The following ATAD3B variants were observed in gnomAD, a reference collection of about 807,000 sequenced individuals.
The protein encoded by ATAD3B is ATPase family AAA domain-containing protein 3B.
A neutral mutation model predicts 70.2 loss-of-function variants in ATAD3B; 59 were observed. That is an observed-to-expected ratio of 0.84 (90% CI 0.68 to 1.04). The LOEUF (loss-of-function observed/expected upper bound fraction) is 1.04. Among genes scored for constraint, ATAD3B ranks in the 50% least tolerant of loss-of-function variants. The pLI is 0.00. For missense variants in ATAD3B, 961 were observed against 913.4 expected (o/e 1.05, Z -0.67); for synonymous variants, 423 against 388.6 (o/e 1.09, Z -1.04).
At chr1:1,489,429 C>T in intron 13 of ATAD3B, 155 bp downstream of exon 13, 2 of 1,346,296 alleles carry the variant, frequency 1.5e-6, no homozygotes, top group Admixed American at 4.6e-5. Flanking sequence ...CAGCTCGGGA[C>T]AGCACGGGGT....
chr1:1,492,190 A>G (rs1557429332), intron 15 of ATAD3B, among the ~76,000 whole-genome samples: 1 of 151,814 alleles, frequency 6.6e-6, no homozygotes, highest in Non-Finnish European at 1.5e-5. Flanking sequence ...TGTCTTAAAA[A>G]CTGAGAATAA....
At chr1:1,491,438 G>A (rs146649967) in intron 15 of ATAD3B, among the ~76,000 whole-genome samples, 28 of 152,134 alleles carry the variant, frequency 1.8e-4, no homozygotes, top group African/African-American at 6.5e-4. Context: ...GGCTGAGGCA[G>A]AAGAATTGCT....
At chr1:1,486,992 C>T (rs1212291981) in intron 11 of ATAD3B, among the ~76,000 whole-genome samples, 1 of 151,314 alleles carries the variant, frequency 6.6e-6, no homozygotes, top group Non-Finnish European at 1.5e-5. Context: ...AACACGCCTG[C>T]AGGTGGGCGT....
At chr1:1,482,699 C>T (rs758316315) in intron 7 of ATAD3B, 85 bp downstream of exon 7, 41 of 1,596,538 alleles carry the variant, frequency 2.6e-5, no homozygotes, top group African/African-American at 2.5e-4. Flanking sequence ...CTGTCCCTGC[C>T]GGCTCTGCAC....
At chr1:1,490,743 C>A in intron 15 of ATAD3B, 72 bp downstream of exon 15, 1 of 1,528,934 alleles carries the variant, frequency 6.5e-7, no homozygotes, top group Non-Finnish European at 8.8e-7. Context: ...TGCGCCAGGC[C>A]TGTCCCAGCA....
In ATAD3B at chr1:1,487,205, C is replaced by G. The variant is rs1473286253; in HGVS notation, c.1214+537C>G. Among the ~76,000 whole-genome samples, 15 of 151,904 alleles carry G rather than the reference C, an allele frequency of 9.9e-5. 1 individual carries two copies. The highest frequency in any genetic ancestry group is 2.1e-4 in the Non-Finnish European group (14 of 67,946). ...GACCTTTCACTTTAGAAGACCTGTC[C>G]CTGCGCCAGGCGTGGTGGCTCACGG... is the stretch of plus-strand genomic sequence containing the variant. On this transcript the variant is annotated intron_variant, in intron 11 of 15. Transcript: ENST00000673477.
chr1:1,502,506 C>CCTACACTGATAACTTAT (rs1379870850), downstream of ATAD3B, among the ~76,000 whole-genome samples: 6 of 113,678 alleles, frequency 5.3e-5, no homozygotes, highest in South Asian at 5.7e-4. Flanking sequence ...CCGTGCCCAG[C>CCTACACTGATAACTTAT]ATTTTTTTTT....
At chr1:1,509,104 G>T in the ATAD3B span, 2 of 1,477,120 alleles carry the variant, frequency 1.4e-6, no homozygotes, top group Non-Finnish European at 1.8e-6. Flanking sequence ...AGGCCATCCT[G>T]GAGCCCCTGG....
chr1:1,505,010 G>A, the ATAD3B span, among the ~76,000 whole-genome samples: 1 of 152,146 alleles, frequency 6.6e-6, no homozygotes, highest in African/African-American at 2.4e-5. Context: ...CTCTTTGTGT[G>A]CAGAGACAAG....
the ATAD3B span, among the ~76,000 whole-genome samples, chr1:1,508,071 G>A: frequency 2.0e-5 from 3 of 152,198 alleles, no homozygotes; most frequent in African/African-American, 4.8e-5. Context: ...CCTCTGCTGG[G>A]CCCTGGGTGA....
chr1:1,495,846 T>C lies in ATAD3B; in HGVS notation c.*29T>C, dbSNP rs541175302. 1.6e-5 allele frequency: 24 copies of C among 1,518,342 alleles called. 1 individual carries two copies. In the African/African-American group the frequency reaches 2.5e-4, roughly 16 times the overall value. The allele number at this position is 1,518,342 out of a possible 1,614,324, so 94.1% of individuals were successfully genotyped here. ...CTGGCTAGGGAGGGGCAGGCCTCCT[T>C]CCTGCCCCTCGAGACACTCTTGGGA... On this transcript the variant is annotated 3_prime_UTR_variant, in exon 16 of 16. Coordinates refer to ENST00000673477, the MANE Select transcript of ATAD3B (RefSeq NM_031921.6).
chr1:1,489,094 G>T (rs1013293259), intron 12 of ATAD3B, 110 bp from the exon 13 acceptor site: 21 of 1,557,680 alleles, frequency 1.3e-5, no homozygotes, highest in Non-Finnish European at 1.8e-5. Flanking sequence ...ATCCATGAAA[G>T]TGTCGCCACG....
chr1:1,492,307 T>G (rs1458988264), intron 15 of ATAD3B, among the ~76,000 whole-genome samples: 1 of 151,256 alleles, frequency 6.6e-6, no homozygotes, highest in Non-Finnish European at 1.5e-5. Context: ...GCCAACATGA[T>G]GAACCCCACC....
intron 1 of ATAD3B, 100 bp from the exon 2 acceptor site, chr1:1,477,174 A>G (rs1303715320): frequency 4.2e-5 from 62 of 1,460,942 alleles, no homozygotes; most frequent in Non-Finnish European, 5.3e-5. Context: ...GCTTCCCACT[A>G]GGTTTTTGTA....
the ATAD3B span, chr1:1,509,312 G>A: frequency 3.1e-6 from 5 of 1,612,468 alleles, no homozygotes; most frequent in Non-Finnish European, 4.2e-6. Flanking sequence ...GGCTGAAGAG[G>A]GGGAGGCCTG....
Position 1,496,363 on chromosome 1 carries a change from G to T in ATAD3B, c.*546G>T, listed in dbSNP as rs1640795022. On this transcript the variant is annotated 3_prime_UTR_variant, in exon 16 of 16. Coordinates refer to ENST00000673477, the MANE Select transcript of ATAD3B (RefSeq NM_031921.6). ...CACATCAGCCTCGCGCCACATCCGA[G>T]TTGGGGTCTGAATGCTGCCCGGGAC... 7.9e-6 allele frequency: 5 copies of T among 629,700 alleles called. No homozygotes were observed. Among genetic ancestry groups the T allele is most frequent in the Non-Finnish European group, 9.9e-6 (5 of 504,560 alleles). The allele number at this position is 629,700 out of a possible 1,614,324, so 39.0% of individuals were successfully genotyped here. A position where few individuals can be genotyped will look rare whatever the true frequency, so the allele number is the denominator to read the frequency against.
chr1:1,481,857 T>C (rs1256918754), intron 5 of ATAD3B, among the ~76,000 whole-genome samples: 1 of 152,176 alleles, frequency 6.6e-6, no homozygotes, highest in Non-Finnish European at 1.5e-5. Context: ...GTCCATGGAC[T>C]GGGCTTGTCC....
At chr1:1,503,486 G>A in the ATAD3B span, 28 of 1,212,524 alleles carry the variant, frequency 2.3e-5, no homozygotes, top group South Asian at 2.4e-4. Flanking sequence ...AGGTCGAGGC[G>A]TGGCCGTGGA....
At chr1:1,503,002 A>AT in the ATAD3B span, among the ~76,000 whole-genome samples, 4 of 151,060 alleles carry the variant, frequency 2.6e-5, no homozygotes, top group African/African-American at 9.7e-5. Context: ...AGGCAGGTGA[A>AT]TCACGAGGTC....
Sources: allele counts gnomAD v4.1 joint callset (sites outside exome capture counted in the v4.1 genomes callset), GRCh38; gene constraint gnomAD v4.1.1; transcripts MANE v1.5; gene names NCBI Gene and HGNC (gene_info 2026-07-23, HGNC 2026-07-21).